PFKFB3: variants seen among roughly 807,000 people sequenced by gnomAD.
The protein encoded by PFKFB3 is 6-phosphofructo-2-kinase/fructose-2,6-biphosphatase 3, also known as 6-phosphofructo-2-kinase/fructose-2,6-bisphosphatase 3.
PFKFB3 carries 33 observed loss-of-function variants against 68.0 expected under a neutral mutation model. The ratio of observed to expected loss-of-function variants is 0.49; its 90% CI spans 0.37 to 0.65. The LOEUF (loss-of-function observed/expected upper bound fraction) is 0.65, where lower values mean the gene tolerates loss of function less well. PFKFB3 is among the 30% of genes least tolerant of loss of function. PFKFB3 has a pLI of 0.00. For synonymous variants in PFKFB3, 315 were observed against 288.2 expected (o/e 1.09, Z -0.94); for missense variants, 586 against 712.2 (o/e 0.82, Z 2.02).
intron 1 of PFKFB3, among the ~76,000 whole-genome samples, chr10:6,205,860 C>T (rs1843649372): frequency 1.3e-5 from 2 of 151,770 alleles, no homozygotes; most frequent in South Asian, 2.1e-4. Context: ...GGCAGTGGTG[C>T]GACCATAGCT....
At chr10:6,300,881 G>A in the PFKFB3 span, among the ~76,000 whole-genome samples, 4 of 152,176 alleles carry the variant, frequency 2.6e-5, no homozygotes, top group African/African-American at 7.2e-5. Flanking sequence ...TTTGAGAGAA[G>A]GGTAATTACG....
the PFKFB3 span, among the ~76,000 whole-genome samples, chr10:6,315,761 T>C: frequency 3.9e-5 from 6 of 152,220 alleles, no homozygotes; most frequent in African/African-American, 1.4e-4. Context: ...GTTGGGATTA[T>C]AGGCGTGAAC....
Position 6,203,168 on chromosome 10 carries a change from CT to C in PFKFB3, c.-92del. On this transcript the variant is annotated 5_prime_UTR_variant, in exon 1 of 15. Transcript: ENST00000379775. ...CGGCCGCGCGCCGGCGCACGCCCCC[CT>C]CTCCTCCTTTGTTCCGGGGGTCGGC... 1.3e-6 allele frequency: 2 copies of C among 1,535,332 alleles called. No homozygotes were observed. The highest frequency in any genetic ancestry group is 2.0e-4 in the Middle Eastern group (1 of 4,984).
the PFKFB3 span, among the ~76,000 whole-genome samples, chr10:6,292,278 CTTTTTTTT>C: frequency 2.8e-3 from 150 of 54,300 alleles, no homozygotes; most frequent in African/African-American, 0.012. Context: ...TTTTTTTTTT[CTTTTTTTT>C]TTTTTTTTTT....
At chr10:6,208,805 A>G (rs1247137606) in intron 1 of PFKFB3, among the ~76,000 whole-genome samples, 1 of 152,130 alleles carries the variant, frequency 6.6e-6, no homozygotes, top group Non-Finnish European at 1.5e-5. Context: ...TGGGGGATTC[A>G]CCATCCATCT....
At chr10:6,156,697 A>G (rs953651945) in intron 1 of PFKFB3, among the ~76,000 whole-genome samples, 101 of 149,534 alleles carry the variant, frequency 6.8e-4, no homozygotes, top group African/African-American at 2.4e-3. Context: ...CATGTTGGCC[A>G]GGCTGGTCTC....
chr10:6,297,152 T>C, the PFKFB3 span, among the ~76,000 whole-genome samples: 1 of 152,356 alleles, frequency 6.6e-6, no homozygotes, highest in Admixed American at 6.5e-5. Flanking sequence ...GTGACATTCC[T>C]TTGTGTCCCA....
chr10:6,276,552 A>G, the PFKFB3 span, among the ~76,000 whole-genome samples: 12 of 152,208 alleles, frequency 7.9e-5, no homozygotes, highest in Admixed American at 4.6e-4. Context: ...TCGGCCAAGT[A>G]CCAATGAACT....
At chr10:6,307,952 C>T in the PFKFB3 span, among the ~76,000 whole-genome samples, 1 of 152,224 alleles carries the variant, frequency 6.6e-6, no homozygotes, top group South Asian at 2.1e-4. Flanking sequence ...ATAACAAGTT[C>T]TGCCCCCTTC....
downstream of PFKFB3, among the ~76,000 whole-genome samples, chr10:6,235,771 C>CT (rs55776515): frequency 0.019 from 2,593 of 135,356 alleles, 101 homozygotes; most frequent in Admixed American, 0.087. Flanking sequence ...TCTTTTTTTT[C>CT]TTTTTTTTTT....
chr10:6,302,302 G>A, the PFKFB3 span, among the ~76,000 whole-genome samples: 11 of 148,618 alleles, frequency 7.4e-5, no homozygotes, highest in Admixed American at 1.3e-4. Flanking sequence ...CGATCCACCT[G>A]CCTCGGCCTC....
intron 14 of PFKFB3, chr10:6,254,139 C>T (rs1846448467): frequency 2.6e-6 from 1 of 386,988 alleles, no homozygotes; most frequent in East Asian, 3.8e-5. Flanking sequence ...TCTGAGGTAT[C>T]CACTCAATCT....
chr10:6,209,621 C>T (rs574242240), intron 1 of PFKFB3, among the ~76,000 whole-genome samples: 4 of 152,074 alleles, frequency 2.6e-5, no homozygotes, highest in South Asian at 4.2e-4. Flanking sequence ...CCTGCTACCA[C>T]GCCTGGCTAA....
At chr10:6,204,015 G>C (rs1843517092) in intron 1 of PFKFB3, among the ~76,000 whole-genome samples, 1 of 152,230 alleles carries the variant, frequency 6.6e-6, no homozygotes, top group Non-Finnish European at 1.5e-5. Context: ...GCTTTGGGGA[G>C]GGTCGGTGGG....
chr10:6,239,937 G>A (rs1846103173), downstream of PFKFB3, among the ~76,000 whole-genome samples: 1 of 152,190 alleles, frequency 6.6e-6, no homozygotes, highest in African/African-American at 2.4e-5. Context: ...GCCTCCCAAA[G>A]TGGTGGGATT....
chr10:6,276,536 T>G, the PFKFB3 span, among the ~76,000 whole-genome samples: 449 of 152,180 alleles, frequency 3.0e-3, 2 homozygotes, highest in African/African-American at 9.7e-3. Context: ...TAACTCCAAT[T>G]TGGGGTCGGC....
At chr10:6,271,349 G>A in the PFKFB3 span, among the ~76,000 whole-genome samples, 7 of 152,202 alleles carry the variant, frequency 4.6e-5, no homozygotes, top group African/African-American at 1.7e-4. Context: ...CCCAGGCTAC[G>A]TTCCTTTAGC....
At chr10:6,201,467 C>G (rs904204628), upstream of PFKFB3, among the ~76,000 whole-genome samples, 1 of 24,482 alleles carries the variant, frequency 4.1e-5, no homozygotes, top group Non-Finnish European at 9.2e-5. The surrounding 1 kb of genome is among the most constrained non-coding windows in gnomAD (Gnocchi z 4.1). Flanking sequence ...GAGTGGGGGT[C>G]GAGGCGTGGG....
At chr10:6,279,612 CGTCT>C in the PFKFB3 span, among the ~76,000 whole-genome samples, 1 of 152,058 alleles carries the variant, frequency 6.6e-6, no homozygotes, top group Non-Finnish European at 1.5e-5. Context: ...AATGTCTCTC[CGTCT>C]CTCCGGTGAC....
Sources: allele counts gnomAD v4.1 joint callset (sites outside exome capture counted in the v4.1 genomes callset), GRCh38; gene constraint gnomAD v4.1.1; non-coding constraint Gnocchi (gnomAD v3.1); transcripts MANE v1.5; gene names NCBI Gene and HGNC (gene_info 2026-07-23, HGNC 2026-07-21).